SENP1: variants seen among roughly 807,000 people sequenced by gnomAD.
SENP1 encodes the protein sentrin-specific protease 1.
SENP1 carries 21 observed loss-of-function variants against 93.0 expected under a neutral mutation model. That is an observed-to-expected ratio of 0.23 (90% CI 0.16 to 0.33). The LOEUF (loss-of-function observed/expected upper bound fraction) is 0.33, where lower values mean the gene tolerates loss of function less well. SENP1 is among the 10% of genes least tolerant of loss of function. SENP1 has a pLI of 1.00. For synonymous variants in SENP1, 256 were observed against 259.6 expected (o/e 0.99, Z 0.13); for missense variants, 591 against 758.7 (o/e 0.78, Z 2.60).
chr12:48,095,268 G>A (rs982681593), intron 4 of SENP1, among the ~76,000 whole-genome samples: 7 of 152,026 alleles, frequency 4.6e-5, no homozygotes, highest in African/African-American at 7.3e-5. Context: ...CAGGTGCAGC[G>A]GCTTACACCT....
chr12:48,083,980 T>C (rs1944660983), intron 5 of SENP1, among the ~76,000 whole-genome samples: 1 of 152,216 alleles, frequency 6.6e-6, no homozygotes, highest in Non-Finnish European at 1.5e-5. Context: ...GTCAAAATTA[T>C]CAAACACTTA....
At chr12:48,071,485 G>A (rs372394178) in intron 9 of SENP1, among the ~76,000 whole-genome samples, 182 bp downstream of exon 9, 4 of 152,100 alleles carry the variant, frequency 2.6e-5, no homozygotes, top group Admixed American at 6.5e-5. Context: ...GCGTGGTGGC[G>A]GGCGCCTGTA....
chr12:48,097,962 T>A (rs1176704951), intron 3 of SENP1, 32 bp downstream of exon 3: 1 of 1,594,696 alleles, frequency 6.3e-7, no homozygotes. Flanking sequence ...CCCAAATAAT[T>A]AATTAATTAA....
intron 13 of SENP1, among the ~76,000 whole-genome samples, chr12:48,055,978 A>C (rs1942240756): frequency 1.5e-5 from 2 of 133,646 alleles, no homozygotes; most frequent in Admixed American, 7.8e-5. Flanking sequence ...TATATAATTT[A>C]ATACATGATA....
At chr12:48,067,981 C>A (rs1943412819) in intron 9 of SENP1, among the ~76,000 whole-genome samples, 1 of 152,114 alleles carries the variant, frequency 6.6e-6, no homozygotes. Context: ...CTGCCTCAGC[C>A]TCCTGAGTAG....
At chr12:48,090,236 AATT>A (rs1355533722) in intron 4 of SENP1, among the ~76,000 whole-genome samples, 2 of 152,250 alleles carry the variant, frequency 1.3e-5, no homozygotes, top group African/African-American at 4.8e-5. Context: ...AGAACTAGAA[AATT>A]ATTATACTTA....
chr12:48,102,527 T>C (rs749284298), intron 1 of SENP1, among the ~76,000 whole-genome samples: 41 of 150,154 alleles, frequency 2.7e-4, no homozygotes, highest in Non-Finnish European at 4.7e-4. Flanking sequence ...ATGGTCTTGG[T>C]AGATTTCCAA....
At position 48,096,326 on chromosome 12, in the gene SENP1, C is replaced by A; in HGVS notation, c.220+17G>T. ...CAAAAGGTATAAAGTCCCTTGACTC[C>A]AAGTAATGTGTCATACCTGAGTAAT... On this transcript the variant is annotated intron_variant, in intron 4 of 17. Transcript: ENST00000549518. The A allele has an allele frequency of 6.7e-7, 1 of 1,484,264 alleles. No individual in the cohort carries two copies. The highest frequency in any genetic ancestry group is 9.4e-7 in the Non-Finnish European group (1 of 1,067,842). The allele number at this position is 1,484,264 out of a possible 1,614,324, so 91.9% of individuals were successfully genotyped here. A position where few individuals can be genotyped will look rare whatever the true frequency, so the allele number is the denominator to read the frequency against.
chr12:48,078,340 C>CACAT (rs1555182802), intron 6 of SENP1, among the ~76,000 whole-genome samples: 6,013 of 82,704 alleles, frequency 0.073, 299 homozygotes, highest in African/African-American at 0.082. Context: ...TATATACACA[C>CACAT]ACATATATAT....
At chr12:48,096,455 G>C in intron 3 of SENP1, 28 bp from the exon 4 acceptor site, 1 of 1,460,898 alleles carries the variant, frequency 6.8e-7, no homozygotes. Context: ...TTTTTCTTAA[G>C]TCACATTTTT....
intron 1 of SENP1, among the ~76,000 whole-genome samples, chr12:48,103,233 A>T (rs1946074966): frequency 6.6e-6 from 1 of 152,212 alleles, no homozygotes; most frequent in Non-Finnish European, 1.5e-5. Context: ...TGAAGAGAAA[A>T]GGAAGCTAGA....
At position 48,073,565 on chromosome 12, in the gene SENP1, A is replaced by C. The variant is rs1592376934; in HGVS notation, c.940+759T>G. Reference sequence around the variant, plus strand: ...CATACCATAAATTGATACATAATACATACCTAAAGAAGGGGGAAATTAAGG... The same window carrying C: ...CATACCATAAATTGATACATAATACCTACCTAAAGAAGGGGGAAATTAAGG... On this transcript the variant is annotated intron_variant, in intron 8 of 17. Transcript: ENST00000549518. 2.0e-5 allele frequency among the ~76,000 whole-genome samples: 3 copies of C among 152,322 alleles called. No homozygotes were observed. In the East Asian group the frequency reaches 5.8e-4, roughly 29 times the overall value.
At chr12:48,102,592 T>C (rs960866308) in intron 1 of SENP1, among the ~76,000 whole-genome samples, 2 of 151,858 alleles carry the variant, frequency 1.3e-5, no homozygotes, top group Admixed American at 6.6e-5. Flanking sequence ...TTTATAATCT[T>C]ATAACCATAT....
At chr12:48,093,766 A>G (rs928882009) in intron 4 of SENP1, among the ~76,000 whole-genome samples, 7 of 151,794 alleles carry the variant, frequency 4.6e-5, no homozygotes, top group Non-Finnish European at 1.0e-4. Context: ...AACTATAACT[A>G]TTAGCCTGGA....
At chr12:48,061,878 C>A (rs879541396) in intron 13 of SENP1, among the ~76,000 whole-genome samples, 1 of 152,136 alleles carries the variant, frequency 6.6e-6, no homozygotes, top group Non-Finnish European at 1.5e-5. Flanking sequence ...TGAACTGGCA[C>A]TCATTTTCAA....
Position 48,056,943 on chromosome 12 carries a change from T to TA in SENP1, c.1407+6766_1407+6767insT, listed in dbSNP as rs1942535678. On this transcript the variant is annotated intron_variant, in intron 13 of 17. Transcript: ENST00000549518. ...AATATATTATTTAATATATTACATA[T>TA]TACATATATAATATATTATTTAATA... Among the ~76,000 whole-genome samples the TA allele has an allele frequency of 4.2e-5, 2 of 47,740 alleles. 1 individual carries two copies. Among genetic ancestry groups the TA allele is most frequent in the Non-Finnish European group, 5.9e-5 (2 of 33,874 alleles). The allele number at this position is 47,740 out of a possible 152,430, so 31.3% of individuals were successfully genotyped here.
intron 6 of SENP1, among the ~76,000 whole-genome samples, chr12:48,076,815 T>A (rs573627461): frequency 6.6e-6 from 1 of 151,850 alleles, no homozygotes; most frequent in African/African-American, 2.4e-5. Flanking sequence ...GCCATTTTTT[T>A]TTATTATTTT....
chr12:48,054,500 G>C lies in SENP1; in HGVS notation c.1408-5368C>G, dbSNP rs146860625. On this transcript the variant is annotated intron_variant, in intron 13 of 17. Coordinates refer to ENST00000549518, the MANE Select transcript of SENP1 (RefSeq NM_001267594.2). ...AAACCTATGTCTTTACATTTAAAATGGTTCCTTGGCCAGGCGCAGTGGCTC... is the reference window on the plus strand; with the variant it reads ...AAACCTATGTCTTTACATTTAAAATCGTTCCTTGGCCAGGCGCAGTGGCTC... 3.7e-4 allele frequency among the ~76,000 whole-genome samples: 57 copies of C among 152,154 alleles called. No individual in the cohort carries two copies. The East Asian group carries it at 0.011, about 28-fold the overall frequency.
chr12:48,064,107 G>A (rs1367526579), intron 12 of SENP1, among the ~76,000 whole-genome samples: 1 of 151,948 alleles, frequency 6.6e-6, no homozygotes, highest in Non-Finnish European at 1.5e-5. Flanking sequence ...CTAAAGTCTG[G>A]AACAACCTTC....
Sources: gnomAD v4.1 joint callset for allele counts (sites outside exome capture counted in the v4.1 genomes callset) on GRCh38, gnomAD v4.1.1 for gene constraint, MANE v1.5 for transcripts, NCBI Gene and HGNC (gene_info 2026-07-23, HGNC 2026-07-21) for gene names.